MCUB: variants seen among roughly 807,000 people sequenced by gnomAD.
MCUB encodes mitochondrial calcium uniporter dominant negative subunit beta.
A neutral mutation model predicts 41.4 loss-of-function variants in MCUB; 46 were observed. The ratio of observed to expected loss-of-function variants is 1.11; its 90% CI spans 0.88 to 1.42. The LOEUF (loss-of-function observed/expected upper bound fraction) is 1.42. Among genes scored for constraint, MCUB ranks in the 40% most tolerant of loss-of-function variants. The pLI, the probability that MCUB is intolerant of heterozygous loss-of-function variation, is 0.00. For synonymous variants in MCUB, 148 were observed against 148.2 expected (o/e 1.00, Z 0.01); for missense variants, 403 against 404.9 (o/e 1.00, Z 0.04).
intron 1 of MCUB, among the ~76,000 whole-genome samples, chr4:109,567,131 C>CAAAAAAAAA (rs397994929): frequency 1.8e-5 from 1 of 55,998 alleles, no homozygotes; most frequent in Non-Finnish European, 3.9e-5. Context: ...GACTCCATCT[C>CAAAAAAAAA]AAAAAAAAAA....
At chr4:109,676,546 T>C (rs1382146250) in intron 4 of MCUB, among the ~76,000 whole-genome samples, 2 of 152,172 alleles carry the variant, frequency 1.3e-5, no homozygotes, top group African/African-American at 4.8e-5. Context: ...ATACAGGCTT[T>C]TTCTAGTCTG....
intron 1 of MCUB, among the ~76,000 whole-genome samples, chr4:109,562,753 C>T (rs1160796348): frequency 6.6e-6 from 1 of 152,180 alleles, no homozygotes; most frequent in Non-Finnish European, 1.5e-5. Context: ...TATAATTGGT[C>T]TTTCTGAAGT....
At chr4:109,602,923 G>T (rs910377626) in intron 1 of MCUB, among the ~76,000 whole-genome samples, 6 of 152,018 alleles carry the variant, frequency 3.9e-5, no homozygotes, top group African/African-American at 1.2e-4. Context: ...CACTCCTTTG[G>T]TTAATTCCTA....
intron 1 of MCUB, among the ~76,000 whole-genome samples, chr4:109,593,812 TAATAA>T (rs1727494174): frequency 6.6e-6 from 1 of 152,242 alleles, no homozygotes; most frequent in African/African-American, 2.4e-5. Context: ...TCATCTTTAG[TAATAA>T]AATATAATAC....
intron 1 of MCUB, among the ~76,000 whole-genome samples, chr4:109,619,830 G>A (rs1452215144): frequency 6.6e-6 from 1 of 152,150 alleles, no homozygotes; most frequent in Non-Finnish European, 1.5e-5. Flanking sequence ...TGATATTGTG[G>A]CATATATCAC....
intron 1 of MCUB, among the ~76,000 whole-genome samples, chr4:109,612,494 G>C (rs1728033383): frequency 6.6e-6 from 1 of 151,966 alleles, no homozygotes; most frequent in Non-Finnish European, 1.5e-5. Flanking sequence ...TTGAACTCCT[G>C]ACCTCAGGTG....
intron 1 of MCUB, among the ~76,000 whole-genome samples, chr4:109,614,423 G>A (rs1728082640): frequency 1.3e-5 from 2 of 151,886 alleles, no homozygotes; most frequent in Admixed American, 1.3e-4. Flanking sequence ...GGTTGGATTA[G>A]TGTCTTTACA....
At chr4:109,660,115 C>A in intron 2 of MCUB, 80 bp from the exon 3 acceptor site, 1 of 707,620 alleles carries the variant, frequency 1.4e-6, no homozygotes, top group Non-Finnish European at 2.4e-6. Context: ...CATGTTTGAG[C>A]ATTCCTTCTA....
At chr4:109,575,980 C>T (rs1469785855) in intron 1 of MCUB, among the ~76,000 whole-genome samples, 3 of 152,144 alleles carry the variant, frequency 2.0e-5, no homozygotes, top group East Asian at 3.8e-4. Context: ...GCCACCTGAC[C>T]CAGGAATTTA....
rs111968375 is a variant in MCUB, at chr4:109,592,231, G to A, written c.99+31795G>A. Among the ~76,000 whole-genome samples, 871 of 151,680 alleles carry A rather than the reference G, an allele frequency of 5.7e-3. 9 individuals carry two copies. The highest frequency in any genetic ancestry group is 0.021 in the African/African-American group (851 of 41,360). On this transcript the variant is annotated intron_variant, in intron 1 of 7. Transcript: ENST00000394650. ...TCGAGACCAGCCTGGCCAATATGGC[G>A]AAACCCCATCTCTACTAAAAATACA...
intron 1 of MCUB, among the ~76,000 whole-genome samples, chr4:109,621,056 G>A (rs975831287): frequency 3.3e-5 from 5 of 152,016 alleles, no homozygotes; most frequent in South Asian, 4.2e-4. Context: ...ATGCCACCAC[G>A]CCCGGCTAAT....
In MCUB at chr4:109,664,310, T is replaced by G. The variant is rs1561246236; in HGVS notation, c.367T>G (p.Ser123Ala). 6.4e-7 allele frequency: 1 copy of G among 1,564,016 alleles called. No homozygotes were observed. The highest frequency in any genetic ancestry group is 1.7e-4 in the Middle Eastern group (1 of 5,982). ...TTCAGATGGCAACATGATTTCAGCTTCTACCTTGATGGATATTTTGCTAAT... is the reference window on the plus strand; with the variant it reads ...TTCAGATGGCAACATGATTTCAGCTGCTACCTTGATGGATATTTTGCTAAT... ...FTADGNMISASTLMDILLMND... is the reference protein window; with the variant it reads ...FTADGNMISAATLMDILLMND... Residue 123 changes from serine to alanine, a missense_variant, in exon 4 of 8, where the codon TCT becomes GCT. Physicochemically the swap from Ser to Ala is moderately conservative, Grantham distance 99. Coordinates refer to ENST00000394650, the MANE Select transcript of MCUB (RefSeq NM_017918.5).
rs539695736 is a variant in MCUB at position 109,594,135 on chromosome 4, G to A, written c.99+33699G>A. ...TTCCATGCCTGCTGCCTACTAGCCT[G>A]TCACTTCTCTTTCAAATTCAGCAGA... On this transcript the variant is annotated intron_variant, in intron 1 of 7. Coordinates refer to ENST00000394650, the MANE Select transcript of MCUB (RefSeq NM_017918.5). 9.2e-5 allele frequency among the ~76,000 whole-genome samples: 14 copies of A among 152,312 alleles called. No individual in the cohort carries two copies. The East Asian group carries it at 1.9e-3, about 21-fold the overall frequency.
In MCUB at chr4:109,660,109, T is replaced by C; in HGVS notation, c.176-86T>C. On this transcript the variant is annotated intron_variant, in intron 2 of 7. Transcript: ENST00000394650. ...ACTTCAGAGGTTTGTGAATTTCATGTTTGAGCATTCCTTCTAGAATTCTTG... is the reference window on the plus strand; with the variant it reads ...ACTTCAGAGGTTTGTGAATTTCATGCTTGAGCATTCCTTCTAGAATTCTTG... 4 of 696,440 alleles carry C rather than the reference T, an allele frequency of 5.7e-6. No individual in the cohort carries two copies. In the East Asian group the frequency reaches 1.1e-4, roughly 19 times the overall value. 43.1% of individuals were successfully genotyped at this position (696,440 alleles called of 1,614,324 possible). A position where few individuals can be genotyped will look rare whatever the true frequency, so the allele number is the denominator to read the frequency against.
chr4:109,580,204 T>C (rs1455919575), intron 1 of MCUB, among the ~76,000 whole-genome samples: 1 of 152,346 alleles, frequency 6.6e-6, no homozygotes, highest in East Asian at 1.9e-4. Flanking sequence ...GCAAAGGACA[T>C]GAACTCATCC....
At position 109,669,641 on chromosome 4, in the gene MCUB, T is replaced by C. The variant is rs183138405; in HGVS notation, c.451+5247T>C. ...CTTTCTTCTCCTTCTAGTATTCTCATTACATACATGTTATTCATTTTGTGG... is the reference window on the plus strand; with the variant it reads ...CTTTCTTCTCCTTCTAGTATTCTCACTACATACATGTTATTCATTTTGTGG... On this transcript the variant is annotated intron_variant, in intron 4 of 7. Coordinates refer to ENST00000394650, the MANE Select transcript of MCUB (RefSeq NM_017918.5). 1.6e-3 allele frequency among the ~76,000 whole-genome samples: 246 copies of C among 152,112 alleles called. No homozygotes were observed. The Middle Eastern group carries it at 0.02, about 13-fold the overall frequency.
intron 1 of MCUB, among the ~76,000 whole-genome samples, chr4:109,601,083 G>A (rs1208477341): frequency 1.3e-5 from 2 of 149,830 alleles, no homozygotes; most frequent in Admixed American, 6.8e-5. Context: ...GTGAGCTACC[G>A]CACCCGGCCT....
chr4:109,566,021 T>C (rs1312283967), intron 1 of MCUB, among the ~76,000 whole-genome samples: 1 of 151,472 alleles, frequency 6.6e-6, no homozygotes, highest in African/African-American at 2.4e-5. Flanking sequence ...TTTTTGTGTT[T>C]TGTTTGTTTG....
rs138098510 is a variant in MCUB at position 109,655,696 on chromosome 4, G to A, written c.100-3315G>A. Among the ~76,000 whole-genome samples, 176 of 152,212 alleles carry A rather than the reference G, an allele frequency of 1.2e-3. 1 individual carries two copies. The highest frequency in any genetic ancestry group is 3.7e-3 in the African/African-American group (155 of 41,526). ...GACCAGGCACTAAAATTTGGAATTC[G>A]GAATGATTCTACGCAGAAATCTAGC... On this transcript the variant is annotated intron_variant, in intron 1 of 7. Transcript: ENST00000394650.
Sources: allele counts gnomAD v4.1 joint callset (sites outside exome capture counted in the v4.1 genomes callset), GRCh38; gene constraint gnomAD v4.1.1; transcripts MANE v1.5; gene names NCBI Gene and HGNC (gene_info 2026-07-23, HGNC 2026-07-21).